Variants in GCNT2 observed in about 807,000 individuals in gnomAD.
The protein encoded by GCNT2 is glucosaminyl (N-acetyl) transferase 2 (I blood group).
A neutral mutation model predicts 34.2 loss-of-function variants in GCNT2; 34 were observed. The ratio of observed to expected loss-of-function variants is 1.00; its 90% CI spans 0.76 to 1.32. GCNT2 has a LOEUF of 1.32. Ranked by LOEUF, GCNT2 falls within the 40% of genes most tolerant of loss-of-function variation. The probability of loss-of-function intolerance (pLI) is 0.00; values close to 1 mark genes in which losing one functional copy is unlikely to be tolerated. For synonymous variants in GCNT2, 212 were observed against 188.0 expected, an observed-to-expected ratio of 1.13 and a Z score of -1.04; for missense variants, 584 against 489.4, an observed-to-expected ratio of 1.19 and a Z score of -1.82.
At chr6:10,611,322 ATTTC>A (rs535913438) in intron 3 of GCNT2, among the ~76,000 whole-genome samples, 37 of 134,098 alleles carry the variant, frequency 2.8e-4, no homozygotes, top group African/African-American at 6.3e-4. Context: ...TATACTTTTA[ATTTC>A]TTTCTTTCTT....
At chr6:10,616,370 A>G (rs551731948) in intron 3 of GCNT2, among the ~76,000 whole-genome samples, 58 of 152,304 alleles carry the variant, frequency 3.8e-4, no homozygotes, top group Middle Eastern at 3.4e-3. Flanking sequence ...GCACTTCCAC[A>G]GTGTGGAAAG....
intron 1 of GCNT2, among the ~76,000 whole-genome samples, chr6:10,525,656 G>A (rs191810864): frequency 1.3e-5 from 2 of 152,294 alleles, no homozygotes; most frequent in Non-Finnish European, 2.9e-5. Context: ...TTTTTTAAAT[G>A]TCTAGCATTG....
rs1252654577 is a variant in GCNT2, at chr6:10,589,301, TGTGTGGTGTGTTTGTA to T, written c.926-32028_926-32013del. 1.5e-3 allele frequency among the ~76,000 whole-genome samples: 217 copies of T among 147,460 alleles called. 1 individual carries two copies. The highest frequency in any genetic ancestry group is 4.5e-3 in the African/African-American group (183 of 40,302). ...TGTTTCTAGTGTGTGTGGTGTGTAG[TGTGTGGTGTGTTTGTA>T]GTGTGGTGTGTTTGTAGTGTGTGTG... is the stretch of plus-strand genomic sequence containing the variant. On this transcript the variant is annotated intron_variant, in intron 3 of 4. Transcript: ENST00000495262.
At chr6:10,601,770 G>A (rs969090298) in intron 3 of GCNT2, among the ~76,000 whole-genome samples, 4 of 151,804 alleles carry the variant, frequency 2.6e-5, no homozygotes, top group Non-Finnish European at 4.4e-5. Context: ...TGAAACCCCC[G>A]TCTCTACTAA....
At chr6:10,589,033 G>A (rs998409187) in intron 3 of GCNT2, among the ~76,000 whole-genome samples, 11 of 141,338 alleles carry the variant, frequency 7.8e-5, no homozygotes, top group South Asian at 2.4e-4. Flanking sequence ...GTGTATGTGC[G>A]TGGTATGTGT....
At chr6:10,539,992 C>T (rs748829664) in intron 3 of GCNT2, among the ~76,000 whole-genome samples, 9 of 152,028 alleles carry the variant, frequency 5.9e-5, no homozygotes, top group South Asian at 2.1e-4. Flanking sequence ...GCAGGAGGAT[C>T]GCTTGAGCAC....
chr6:10,617,139 G>A (rs1307564497), intron 3 of GCNT2, among the ~76,000 whole-genome samples: 1 of 152,198 alleles, frequency 6.6e-6, no homozygotes, highest in African/African-American at 2.4e-5. Flanking sequence ...CTCTGGCCGC[G>A]CAGGAGCCCA....
chr6:10,585,070 TGTGTGTGTGCGC>T (rs1287953358), intron 3 of GCNT2, among the ~76,000 whole-genome samples: 105 of 101,402 alleles, frequency 1.0e-3, no homozygotes, highest in African/African-American at 5.4e-3. Context: ...TGTGTGTGTG[TGTGTGTGTGCGC>T]GCTATATTCT....
chr6:10,592,134 T>TG (rs575473613), intron 3 of GCNT2, among the ~76,000 whole-genome samples: 35 of 152,156 alleles, frequency 2.3e-4, no homozygotes, highest in African/African-American at 6.3e-4. Context: ...TAACGCTACT[T>TG]GGGGGGGCTG....
At chr6:10,586,569 G>C in intron 3 of GCNT2, 1 of 1,614,100 alleles carries the variant, frequency 6.2e-7, no homozygotes. Flanking sequence ...CTGTGGACAA[G>C]ACTTCCCCCT....
intron 3 of GCNT2, among the ~76,000 whole-genome samples, chr6:10,548,715 T>A (rs1454855333): frequency 6.6e-6 from 1 of 152,260 alleles, no homozygotes; most frequent in Non-Finnish European, 1.5e-5. Context: ...GGCAGTTGTA[T>A]TTCATTCATT....
At chr6:10,602,554 A>G (rs1484580629) in intron 3 of GCNT2, among the ~76,000 whole-genome samples, 1 of 152,228 alleles carries the variant, frequency 6.6e-6, no homozygotes, top group African/African-American at 2.4e-5. Context: ...TCCCAGACTT[A>G]GCAATCTATA....
chr6:10,612,478 C>T (rs1581482714), intron 3 of GCNT2, among the ~76,000 whole-genome samples: 2 of 152,096 alleles, frequency 1.3e-5, no homozygotes, highest in East Asian at 3.8e-4. Context: ...GCCCCCACGA[C>T]AAAGAATTAC....
intron 3 of GCNT2, among the ~76,000 whole-genome samples, chr6:10,550,056 T>A (rs1762420063): frequency 6.6e-6 from 1 of 152,156 alleles, no homozygotes; most frequent in African/African-American, 2.4e-5. Flanking sequence ...TTACCCCAAT[T>A]TTTTCTGTTT....
intron 3 of GCNT2, among the ~76,000 whole-genome samples, chr6:10,617,752 T>C (rs1028114792): frequency 3.0e-3 from 74 of 24,408 alleles, no homozygotes; most frequent in African/African-American, 6.4e-3. Flanking sequence ...CATTTCTTCT[T>C]TTTTTTTTTT....
At chr6:10,557,074 G>T in intron 3 of GCNT2, 2 of 1,595,022 alleles carry the variant, frequency 1.3e-6, no homozygotes, top group Middle Eastern at 1.7e-4. Flanking sequence ...CCCCAGGGGT[G>T]CTGCCCCCAG....
intron 3 of GCNT2, among the ~76,000 whole-genome samples, chr6:10,604,927 T>C (rs1229091205): frequency 6.6e-6 from 1 of 151,630 alleles, no homozygotes; most frequent in Non-Finnish European, 1.5e-5. Flanking sequence ...ATAAAAGACT[T>C]CTATGAAGAA....
chr6:10,536,359 T>A (rs921314011), intron 3 of GCNT2, among the ~76,000 whole-genome samples: 32 of 150,864 alleles, frequency 2.1e-4, no homozygotes, highest in African/African-American at 4.4e-4. Context: ...TTTGTCAACT[T>A]CTTCTTTTTT....
chr6:10,589,937 CT>C (rs199518649), intron 3 of GCNT2, among the ~76,000 whole-genome samples: 1 of 151,972 alleles, frequency 6.6e-6, no homozygotes, highest in African/African-American at 2.4e-5. Context: ...TTTTTCATTA[CT>C]TTGTAGTATT....
Sources: gnomAD v4.1 joint callset for allele counts (sites outside exome capture counted in the v4.1 genomes callset) on GRCh38, gnomAD v4.1.1 for gene constraint, MANE v1.5 for transcripts, NCBI Gene and HGNC (gene_info 2026-07-23, HGNC 2026-07-21) for gene names.